KCNIP4: variants seen among roughly 807,000 people sequenced by gnomAD.
The protein encoded by KCNIP4 is Kv channel-interacting protein 4.
In KCNIP4, 12 loss-of-function variants were observed where a neutral mutation model predicts 34.0. The ratio of observed to expected loss-of-function variants is 0.35; its 90% CI spans 0.23 to 0.57. KCNIP4 has a LOEUF of 0.57. Ranked by LOEUF, KCNIP4 falls within the 20% of genes least tolerant of loss-of-function variation. The probability of loss-of-function intolerance (pLI) is 0.83; values close to 1 mark genes in which losing one functional copy is unlikely to be tolerated. For missense variants in KCNIP4, 238 were observed against 311.7 expected, an observed-to-expected ratio of 0.76 and a Z score of 1.78; for synonymous variants, 124 against 102.2, an observed-to-expected ratio of 1.21 and a Z score of -1.29.
intron 1 of KCNIP4, among the ~76,000 whole-genome samples, chr4:21,691,830 C>A (rs1332631184): frequency 6.6e-6 from 1 of 151,160 alleles, no homozygotes. Context: ...TCCTGAGTAG[C>A]TGGGACTACA....
At chr4:20,802,808 G>T (rs1338646601) in intron 3 of KCNIP4, among the ~76,000 whole-genome samples, 1 of 152,166 alleles carries the variant, frequency 6.6e-6, no homozygotes, top group Non-Finnish European at 1.5e-5. Context: ...GAGCGTGGTG[G>T]CTCACGCCTG....
chr4:20,894,142 A>C (rs573776223), intron 1 of KCNIP4, among the ~76,000 whole-genome samples: 1 of 152,248 alleles, frequency 6.6e-6, no homozygotes, highest in African/African-American at 2.4e-5. Context: ...CGGCCTCCCA[A>C]AGTGCTGGGA....
intron 1 of KCNIP4, among the ~76,000 whole-genome samples, chr4:21,602,801 T>C (rs1050855425): frequency 6.6e-6 from 1 of 152,122 alleles, no homozygotes; most frequent in Non-Finnish European, 1.5e-5. Flanking sequence ...TATGAAGCAA[T>C]TCAAATATAA....
chr4:21,082,388 T>A (rs1337588789), intron 1 of KCNIP4, among the ~76,000 whole-genome samples: 1 of 151,778 alleles, frequency 6.6e-6, no homozygotes, highest in African/African-American at 2.4e-5. Flanking sequence ...TGTAAAGACT[T>A]TGATGCACCC....
At chr4:21,467,594 A>G (rs1266469045) in intron 1 of KCNIP4, among the ~76,000 whole-genome samples, 4 of 152,162 alleles carry the variant, frequency 2.6e-5, no homozygotes, top group Admixed American at 2.6e-4. Flanking sequence ...CTTCATAAAA[A>G]CATTCTCAGA....
Position 21,878,314 on chromosome 4 carries a change from G to T in KCNIP4, c.61+70257C>A, listed in dbSNP as rs115168336. ...TGGTCTCTAACTCCTAATCTCAAGC[G>T]ATCCACCTGCCTCGACCTCCCAAAG... On this transcript the variant is annotated intron_variant, in intron 1 of 8. Transcript: ENST00000382152. Among the ~76,000 whole-genome samples the T allele has an allele frequency of 6.3e-3, 966 of 152,226 alleles. 14 individuals carry two copies. The highest frequency in any genetic ancestry group is 0.022 in the African/African-American group (911 of 41,538).
chr4:21,828,241 A>C (rs959787760), intron 1 of KCNIP4, among the ~76,000 whole-genome samples: 1 of 151,710 alleles, frequency 6.6e-6, no homozygotes, highest in African/African-American at 2.4e-5. Context: ...AAAATGATTA[A>C]ACGGATTAGA....
At chr4:21,844,268 A>G (rs1291904699) in intron 1 of KCNIP4, 1 of 152,124 alleles carries the variant, frequency 6.6e-6, no homozygotes. Flanking sequence ...AGATGGGTAC[A>G]TGGAAAAATT....
intron 3 of KCNIP4, among the ~76,000 whole-genome samples, chr4:20,826,827 A>G (rs894287836): frequency 6.6e-6 from 1 of 152,228 alleles, no homozygotes; most frequent in African/African-American, 2.4e-5. Flanking sequence ...GATGGCATCA[A>G]TATTCCCCCT....
At chr4:20,872,419 C>T (rs1015399765) in intron 2 of KCNIP4, among the ~76,000 whole-genome samples, 2 of 152,034 alleles carry the variant, frequency 1.3e-5, no homozygotes, top group Non-Finnish European at 2.9e-5. Flanking sequence ...AAACCCTTGG[C>T]AAAAGGCAAT....
intron 1 of KCNIP4, among the ~76,000 whole-genome samples, chr4:21,856,397 G>A (rs1724756258): frequency 6.6e-6 from 1 of 152,194 alleles, no homozygotes; most frequent in Admixed American, 6.5e-5. Flanking sequence ...ACATCTTATT[G>A]ATGCCAGTGG....
intron 1 of KCNIP4, among the ~76,000 whole-genome samples, chr4:21,107,558 G>T (rs905719090): frequency 1.1e-4 from 16 of 148,618 alleles, no homozygotes; most frequent in African/African-American, 3.8e-4. Context: ...TATCCAATTT[G>T]CCAGTCTATG....
chr4:21,350,051 G>T (rs1326690998), intron 1 of KCNIP4, among the ~76,000 whole-genome samples: 1 of 151,964 alleles, frequency 6.6e-6, no homozygotes, highest in Non-Finnish European at 1.5e-5. Context: ...GTACCTAAAT[G>T]AAAGTATATT....
In KCNIP4 at chr4:21,762,833, G is replaced by A. The variant is rs140933433; in HGVS notation, c.61+185738C>T. On this transcript the variant is annotated intron_variant, in intron 1 of 8. Transcript: ENST00000382152. The stretch of plus-strand genomic sequence containing the variant: ...CTGAATAAATGTTCACATGAAGAAT[G>A]TGTATATATAAGTGTGAGAAAGGAA... The A allele has an allele frequency of 8.4e-4, 630 of 750,234 alleles. 1 individual carries two copies. In the African/African-American group the frequency reaches 0.01, roughly 12 times the overall value. 46.5% of individuals were successfully genotyped at this position (750,234 alleles called of 1,614,324 possible). A position where few individuals can be genotyped will look rare whatever the true frequency, so the allele number is the denominator to read the frequency against.
chr4:21,620,485 C>T (rs182198217), intron 1 of KCNIP4, among the ~76,000 whole-genome samples: 9 of 151,992 alleles, frequency 5.9e-5, no homozygotes, highest in Non-Finnish European at 7.4e-5. Context: ...GAGCAAGATG[C>T]CTGCCTCAAA....
intron 1 of KCNIP4, among the ~76,000 whole-genome samples, chr4:21,567,204 TACCCAATTTAATAAATA>T (rs1162543029): frequency 6.6e-6 from 1 of 152,094 alleles, no homozygotes; most frequent in Non-Finnish European, 1.5e-5. Flanking sequence ...GATTAGCAAG[TACCCAATTTAATAAATA>T]TATATGTGTA....
chr4:20,866,689 A>G (rs1405060139), intron 2 of KCNIP4, among the ~76,000 whole-genome samples: 1 of 152,124 alleles, frequency 6.6e-6, no homozygotes, highest in Non-Finnish European at 1.5e-5. Context: ...AATAAAAGGC[A>G]TTTAAATAGG....
intron 1 of KCNIP4, among the ~76,000 whole-genome samples, chr4:21,611,229 T>C (rs1744132726): frequency 6.6e-6 from 1 of 152,192 alleles, no homozygotes; most frequent in Non-Finnish European, 1.5e-5. Context: ...TGATGGGCAT[T>C]TGGGTTGGTT....
chr4:20,860,478 G>A (rs1443103913), intron 2 of KCNIP4, among the ~76,000 whole-genome samples: 1 of 152,078 alleles, frequency 6.6e-6, no homozygotes, highest in East Asian at 1.9e-4. Context: ...AAAAATAAAT[G>A]TATCCATTTG....
Sources: allele counts gnomAD v4.1 joint callset (sites outside exome capture counted in the v4.1 genomes callset), GRCh38; gene constraint gnomAD v4.1.1; transcripts MANE v1.5; gene names NCBI Gene and HGNC (gene_info 2026-07-23, HGNC 2026-07-21).